Variants in CD1B observed in about 807,000 individuals in gnomAD.
CD1B encodes T-cell surface glycoprotein CD1b.
Under a neutral mutation model 39.8 loss-of-function variants are expected in CD1B, and 43 were observed. That is an observed-to-expected ratio of 1.08 (90% CI 0.85 to 1.39). The LOEUF is 1.39. Among genes scored for constraint, CD1B ranks in the 40% most tolerant of loss-of-function variants. CD1B has a pLI of 0.00. For missense variants in CD1B, 495 were observed against 403.8 expected, an observed-to-expected ratio of 1.23 and a Z score of -1.94; for synonymous variants, 192 against 152.5, an observed-to-expected ratio of 1.26 and a Z score of -1.91.
the CD1B span, among the ~76,000 whole-genome samples, chr1:158,314,860 T>C: frequency 1.1e-3 from 155 of 141,692 alleles, no homozygotes; most frequent in Admixed American, 3.0e-3. Flanking sequence ...CCTGTGTCCA[T>C]GTGATCTCTT....
At chr1:158,309,912 C>G in the CD1B span, among the ~76,000 whole-genome samples, 2 of 151,746 alleles carry the variant, frequency 1.3e-5, no homozygotes, top group African/African-American at 4.8e-5. Context: ...AGCACAACAA[C>G]ATGGCACATG....
Position 158,329,933 on chromosome 1 carries a change from C to T in CD1B, c.526G>A (p.Val176Met). The change falls in exon 3 of 6, where the codon GTG (valine) becomes ATG (methionine). Residue 176 changes from valine to methionine, a missense_variant. Physicochemically the swap from Val to Met is conservative, Grantham distance 21. Coordinates refer to ENST00000368168, the MANE Select transcript of CD1B (RefSeq NM_001764.3). ...IIQYQGIMET[V>M]RILLYETCPR... ...CAGGTTTCATAGAGGAGAATTCTCA[C>T]AGTTTCCATGATACCTTGATATTGT... The T allele has an allele frequency of 6.2e-7, 1 of 1,614,104 alleles. No individual in the cohort carries two copies. Among genetic ancestry groups the T allele is most frequent in the African/African-American group, 1.3e-5 (1 of 75,014 alleles).
At chr1:158,304,465 C>T in the CD1B span, among the ~76,000 whole-genome samples, 18 of 152,208 alleles carry the variant, frequency 1.2e-4, no homozygotes, top group East Asian at 5.8e-4. Flanking sequence ...TGTAGCCCAC[C>T]GCAGCTCAAG....
the CD1B span, chr1:158,291,436 G>C: frequency 6.2e-7 from 1 of 1,600,440 alleles, no homozygotes; most frequent in Non-Finnish European, 8.6e-7. Context: ...GAGTTCTTTA[G>C]AATGTTCTAT....
At chr1:158,306,464 C>T in the CD1B span, among the ~76,000 whole-genome samples, 1 of 152,152 alleles carries the variant, frequency 6.6e-6, no homozygotes, top group Non-Finnish European at 1.5e-5. Context: ...GACTTAGACT[C>T]CCACACAATA....
the CD1B span, among the ~76,000 whole-genome samples, chr1:158,286,788 GTTAC>G: frequency 2.0e-5 from 3 of 152,032 alleles, no homozygotes. Flanking sequence ...GGGTGAGGGT[GTTAC>G]TTACTCTTCT....
At chr1:158,299,716 A>T in the CD1B span, among the ~76,000 whole-genome samples, 5 of 152,170 alleles carry the variant, frequency 3.3e-5, no homozygotes, top group Non-Finnish European at 7.4e-5. Flanking sequence ...TACTCTTGGG[A>T]GGGTGTGTGT....
rs1284678010 is a variant in CD1B at position 158,330,674 on chromosome 1, C to G, written c.328+122G>C. ...GGAGTGAGAGACTACTCAAGAAAAG[C>G]ATGTGCGTGCATTTGGGTAAAATAG... On this transcript the variant is annotated intron_variant, in intron 2 of 5. Transcript: ENST00000368168. The G allele has an allele frequency of 3.2e-6, 3 of 945,548 alleles. No homozygotes were observed. The South Asian group carries it at 3.9e-5, about 12-fold the overall frequency. The allele number at this position is 945,548 out of a possible 1,614,324, so 58.6% of individuals were successfully genotyped here.
chr1:158,325,000 T>C (rs1652303448), downstream of CD1B, among the ~76,000 whole-genome samples: 3 of 152,086 alleles, frequency 2.0e-5, no homozygotes, highest in African/African-American at 7.2e-5. Flanking sequence ...CAAAAAAATA[T>C]TGATCACTTG....
the CD1B span, among the ~76,000 whole-genome samples, chr1:158,304,206 AC>A: frequency 6.6e-6 from 1 of 152,150 alleles, no homozygotes; most frequent in Non-Finnish European, 1.5e-5. Flanking sequence ...GAAAGGGGTG[AC>A]AGATAGCACC....
At chr1:158,314,753 C>G in the CD1B span, among the ~76,000 whole-genome samples, 1 of 151,206 alleles carries the variant, frequency 6.6e-6, no homozygotes, top group Non-Finnish European at 1.5e-5. Flanking sequence ...TGCGCGGCAC[C>G]CACTAACTCG....
chr1:158,307,003 A>G, the CD1B span, among the ~76,000 whole-genome samples: 1 of 152,224 alleles, frequency 6.6e-6, no homozygotes, highest in African/African-American at 2.4e-5. Context: ...TGACACCATA[A>G]CATCACAATT....
the CD1B span, among the ~76,000 whole-genome samples, chr1:158,307,245 G>A: frequency 2.2e-3 from 341 of 151,982 alleles, 2 homozygotes; most frequent in African/African-American, 8.0e-3. Flanking sequence ...ATGATAAAGG[G>A]GATATCACCA....
the CD1B span, among the ~76,000 whole-genome samples, chr1:158,313,455 C>T: frequency 7.9e-5 from 12 of 152,070 alleles, no homozygotes; most frequent in Non-Finnish European, 1.2e-4. Context: ...GGACTACAGG[C>T]GCCCACCACC....
chr1:158,323,932 T>C (rs1652268533), downstream of CD1B, among the ~76,000 whole-genome samples: 3 of 152,102 alleles, frequency 2.0e-5, no homozygotes, highest in Non-Finnish European at 4.4e-5. Context: ...AGGCTGGTGG[T>C]CCCACCAAGG....
the CD1B span, among the ~76,000 whole-genome samples, chr1:158,311,928 G>T: frequency 6.6e-6 from 1 of 152,164 alleles, no homozygotes; most frequent in Non-Finnish European, 1.5e-5. Flanking sequence ...ATCAGGTAGT[G>T]TGATTTCTAC....
At chr1:158,316,487 T>C in the CD1B span, among the ~76,000 whole-genome samples, 4 of 151,938 alleles carry the variant, frequency 2.6e-5, no homozygotes. Flanking sequence ...AGAATGCTTG[T>C]GATTTTTGTA....
chr1:158,321,409 A>G, the CD1B span, among the ~76,000 whole-genome samples: 3 of 152,128 alleles, frequency 2.0e-5, no homozygotes, highest in African/African-American at 4.8e-5. Flanking sequence ...TTCTGCGTAA[A>G]GTGAGGCTCT....
At chr1:158,327,930 G>A, downstream of CD1B, 5 of 253,410 alleles carry the variant, frequency 2.0e-5, no homozygotes, top group Non-Finnish European at 1.5e-5. Context: ...TTTAAATTAG[G>A]AAGCCAAAGG....
Sources: allele counts gnomAD v4.1 joint callset (sites outside exome capture counted in the v4.1 genomes callset), GRCh38; gene constraint gnomAD v4.1.1; transcripts MANE v1.5; gene names NCBI Gene and HGNC (gene_info 2026-07-23, HGNC 2026-07-21).